Variants in ERLEC1 observed in about 807,000 individuals in gnomAD.
ERLEC1 encodes the protein endoplasmic reticulum lectin 1, also known as ER lectin.
In ERLEC1, 47 loss-of-function variants were observed where a neutral mutation model predicts 68.0. The ratio of observed to expected loss-of-function variants is 0.69; its 90% CI spans 0.55 to 0.88. ERLEC1 has a LOEUF of 0.88. ERLEC1 is among the 40% of genes least tolerant of loss of function. ERLEC1 has a pLI of 0.00. For missense variants in ERLEC1, 567 were observed against 583.8 expected (o/e 0.97, Z 0.30); for synonymous variants, 225 against 203.2 (o/e 1.11, Z -0.91).
chr2:53,804,884 C>T (rs908052731), intron 8 of ERLEC1, among the ~76,000 whole-genome samples: 15 of 151,894 alleles, frequency 9.9e-5, no homozygotes, highest in African/African-American at 2.9e-4. Flanking sequence ...TTTTAGATCC[C>T]GTAAATAAGT....
At chr2:53,796,321 T>G (rs1424493410) in intron 3 of ERLEC1, among the ~76,000 whole-genome samples, 4 of 151,816 alleles carry the variant, frequency 2.6e-5, no homozygotes, top group Admixed American at 6.6e-5. Context: ...AAGTCTGTTA[T>G]TCCCCTCTTT....
intron 1 of ERLEC1, among the ~76,000 whole-genome samples, chr2:53,790,343 C>T (rs2104270971): frequency 6.6e-6 from 1 of 152,198 alleles, no homozygotes; most frequent in East Asian, 1.9e-4. Flanking sequence ...AGTGATCCGC[C>T]CACCTCGGCC....
chr2:53,814,860 G>C lies in ERLEC1; in HGVS notation c.1305G>C (p.Lys435Asn). ...TACCTTAAAGTGCTCTCTGTTTTAGGTGCAAAGAATCAGATTCACCTCATG... is the reference window on the plus strand; with the variant it reads ...TACCTTAAAGTGCTCTCTGTTTTAGCTGCAAAGAATCAGATTCACCTCATG... ...DKPRQVTVKL[K>N]CKESDSPHAV... is the part of the protein sequence containing the mutation. The change falls in exon 13 of 14, where the codon AAG (lysine) becomes AAC (asparagine). Residue 435 changes from lysine (K) to asparagine (N), a missense_variant and splice_region_variant. By Grantham distance (94) the Lys-to-Asn change is moderately conservative. Coordinates refer to ENST00000185150, the MANE Select transcript of ERLEC1 (RefSeq NM_015701.5). 6.2e-7 allele frequency: 1 copy of C among 1,603,868 alleles called. No homozygotes were observed. Among genetic ancestry groups the C allele is most frequent in the Middle Eastern group, 1.7e-4 (1 of 6,046 alleles).
chr2:53,788,149 G>A (rs1197804997), intron 1 of ERLEC1, among the ~76,000 whole-genome samples: 1 of 152,134 alleles, frequency 6.6e-6, no homozygotes, highest in Non-Finnish European at 1.5e-5. Context: ...TTACCATGTA[G>A]TAATTAACTC....
At chr2:53,790,260 AT>A (rs113238828) in intron 1 of ERLEC1, among the ~76,000 whole-genome samples, 77,240 of 151,084 alleles carry the variant, frequency 0.51, 20,042 homozygotes, top group East Asian at 0.62. Context: ...CACCTGGCTA[AT>A]TTTTTTTTGT....
chr2:53,789,817 G>C (rs947671952), intron 1 of ERLEC1, among the ~76,000 whole-genome samples: 1 of 151,988 alleles, frequency 6.6e-6, no homozygotes, highest in Non-Finnish European at 1.5e-5. Flanking sequence ...CCAGGAGTTT[G>C]AGACTAGCCT....
intron 1 of ERLEC1, among the ~76,000 whole-genome samples, chr2:53,792,005 G>T (rs575549041): frequency 9.2e-5 from 14 of 151,508 alleles, no homozygotes; most frequent in Non-Finnish European, 1.8e-4. Flanking sequence ...TCCGCCTCCC[G>T]GGTTCACGCC....
At chr2:53,803,413 A>G (rs1676107022) in intron 8 of ERLEC1, among the ~76,000 whole-genome samples, 3 of 152,242 alleles carry the variant, frequency 2.0e-5, no homozygotes, top group Admixed American at 2.0e-4. Context: ...AAAATGCTTC[A>G]TAAATCCCAG....
In ERLEC1 at chr2:53,796,028, T is replaced by C. The variant is rs1675677432; in HGVS notation, c.348+15T>C. On this transcript the variant is annotated intron_variant, in intron 3 of 13. Coordinates refer to ENST00000185150, the MANE Select transcript of ERLEC1 (RefSeq NM_015701.5). ...GTTCCTACAGAGTATGTATTTTATG[T>C]TTACTTGATGACTAGAAAATAGATT... The C allele has an allele frequency of 6.6e-7, 1 of 1,525,060 alleles. No homozygotes were observed. The highest frequency in any genetic ancestry group is 1.4e-5 in the African/African-American group (1 of 71,206). The allele number at this position is 1,525,060 out of a possible 1,614,324, so 94.5% of individuals were successfully genotyped here.
intron 10 of ERLEC1, among the ~76,000 whole-genome samples, chr2:53,810,899 C>A (rs1296611671): frequency 6.7e-6 from 1 of 150,050 alleles, no homozygotes; most frequent in Non-Finnish European, 1.5e-5. Context: ...GAACTACAAC[C>A]CTTATAATAC....
Position 53,818,021 on chromosome 2 carries a change from C to G in ERLEC1, c.*52C>G, listed in dbSNP as rs776018818. On this transcript the variant is annotated 3_prime_UTR_variant, in exon 14 of 14. Transcript: ENST00000185150. ...AGATCATTGAAAGTCATGATAATTT[C>G]TGTCCCACTGTGTCTCATTATAGAG... 5.3e-6 allele frequency: 6 copies of G among 1,141,024 alleles called. No individual in the cohort carries two copies. The South Asian group carries it at 7.4e-5, about 14-fold the overall frequency. 70.7% of individuals were successfully genotyped at this position (1,141,024 alleles called of 1,614,324 possible).
chr2:53,805,394 T>C (rs1474401270), intron 8 of ERLEC1, among the ~76,000 whole-genome samples: 1 of 152,088 alleles, frequency 6.6e-6, no homozygotes, highest in Non-Finnish European at 1.5e-5. Flanking sequence ...AATTAATTTT[T>C]TTTAGTAGAG....
At chr2:53,798,881 C>T (rs974364351) in intron 5 of ERLEC1, among the ~76,000 whole-genome samples, 166 bp from the exon 6 acceptor site, 1 of 151,878 alleles carries the variant, frequency 6.6e-6, no homozygotes, top group African/African-American at 2.4e-5. Context: ...TCCTTTCATA[C>T]AAAACCATTT....
intron 8 of ERLEC1, among the ~76,000 whole-genome samples, chr2:53,807,564 A>T (rs1003403872): frequency 6.6e-6 from 1 of 152,122 alleles, no homozygotes; most frequent in Non-Finnish European, 1.5e-5. Flanking sequence ...CTCCTGTTAC[A>T]TTTTAATAAT....
At chr2:53,789,078 G>A (rs1011008388) in intron 1 of ERLEC1, among the ~76,000 whole-genome samples, 2 of 151,564 alleles carry the variant, frequency 1.3e-5, no homozygotes, top group African/African-American at 4.8e-5. Flanking sequence ...AACTTTTCAC[G>A]TATCTAACAA....
At chr2:53,803,451 C>A (rs1047005367) in intron 8 of ERLEC1, among the ~76,000 whole-genome samples, 2 of 152,160 alleles carry the variant, frequency 1.3e-5, no homozygotes, top group Non-Finnish European at 1.5e-5. Flanking sequence ...GGAAAAGATG[C>A]CAGTTTACTT....
Position 53,789,599 on chromosome 2 carries a change from A to T in ERLEC1, c.162+2227A>T, listed in dbSNP as rs554146547. Among the ~76,000 whole-genome samples, 4 of 152,178 alleles carry T rather than the reference A, an allele frequency of 2.6e-5. No individual in the cohort carries two copies. The South Asian group carries it at 8.3e-4, about 32-fold the overall frequency. On this transcript the variant is annotated intron_variant, in intron 1 of 13. Coordinates refer to ENST00000185150, the MANE Select transcript of ERLEC1 (RefSeq NM_015701.5). ...GTCTGTGCTACTTTGAGAAAAATCT[A>T]GAGTGTTCTGTGAATTGTCACAAGG...
intron 11 of ERLEC1, among the ~76,000 whole-genome samples, chr2:53,813,485 C>T (rs1676698422): frequency 6.6e-6 from 1 of 152,148 alleles, no homozygotes; most frequent in Non-Finnish European, 1.5e-5. Flanking sequence ...ATGAGAGTGG[C>T]AGTGGTGTTA....
At chr2:53,801,181 G>T (rs1337783968) in intron 6 of ERLEC1, among the ~76,000 whole-genome samples, 13 of 151,954 alleles carry the variant, frequency 8.6e-5, no homozygotes, top group Admixed American at 7.9e-4. Flanking sequence ...TAATCTTTTT[G>T]CTGTATTAAA....
Sources: allele counts gnomAD v4.1 joint callset (sites outside exome capture counted in the v4.1 genomes callset), GRCh38; gene constraint gnomAD v4.1.1; transcripts MANE v1.5; gene names NCBI Gene and HGNC (gene_info 2026-07-23, HGNC 2026-07-21).